The following C2orf66 variants were observed in gnomAD, a reference collection of about 807,000 sequenced individuals.
C2orf66 encodes uncharacterized protein C2orf66.
In C2orf66, 6 loss-of-function variants were observed where a neutral mutation model predicts 7.0. That is an observed-to-expected ratio of 0.86 (90% CI 0.47 to 1.69). C2orf66 has a LOEUF of 1.69. Ranked by LOEUF, C2orf66 falls within the 40% of genes most tolerant of loss-of-function variation. C2orf66 has a pLI of 0.01. For missense variants in C2orf66, 107 were observed against 112.0 expected, an observed-to-expected ratio of 0.96 and a Z score of 0.20; for synonymous variants, 38 against 43.8, an observed-to-expected ratio of 0.87 and a Z score of 0.52.
chr2:196,829,089 G>A, the C2orf66 span, among the ~76,000 whole-genome samples: 4 of 151,784 alleles, frequency 2.6e-5, no homozygotes, highest in East Asian at 5.8e-4. Flanking sequence ...ATACACACAC[G>A]CACATTTTTT....
At chr2:196,808,490 G>A (rs1699839593) in intron 1 of C2orf66, among the ~76,000 whole-genome samples, 1 of 152,160 alleles carries the variant, frequency 6.6e-6, no homozygotes, top group East Asian at 1.9e-4. Context: ...GTTGCCATCT[G>A]CTGGTTTCAC....
the C2orf66 span, among the ~76,000 whole-genome samples, chr2:196,818,177 C>CG: frequency 6.6e-6 from 1 of 152,326 alleles, no homozygotes; most frequent in East Asian, 1.9e-4. Context: ...TCCCTCCATT[C>CG]GGGGTCCCTG....
chr2:196,807,643 GT>G (rs1168863377), intron 1 of C2orf66, 21 bp from the exon 2 acceptor site: 2 of 1,582,132 alleles, frequency 1.3e-6, no homozygotes, highest in African/African-American at 2.7e-5. Context: ...AAAGAAAATG[GT>G]CAATGCCAGA....
the C2orf66 span, among the ~76,000 whole-genome samples, chr2:196,822,166 G>C: frequency 6.6e-6 from 1 of 151,724 alleles, no homozygotes. Flanking sequence ...GCCCGCCTTG[G>C]CCTCCCAAAG....
intron 1 of C2orf66, among the ~76,000 whole-genome samples, chr2:196,808,329 A>C (rs1303238403): frequency 6.6e-6 from 1 of 152,168 alleles, no homozygotes; most frequent in Admixed American, 6.5e-5. Flanking sequence ...AGTTATTTAG[A>C]GCTTTCTAGG....
At chr2:196,814,881 CT>C in the C2orf66 span, among the ~76,000 whole-genome samples, 2 of 152,168 alleles carry the variant, frequency 1.3e-5, no homozygotes, top group Non-Finnish European at 2.9e-5. Flanking sequence ...AACATACATA[CT>C]ATAGTCTTGT....
the C2orf66 span, among the ~76,000 whole-genome samples, chr2:196,824,352 T>TG: frequency 6.6e-6 from 1 of 152,170 alleles, no homozygotes; most frequent in East Asian, 1.9e-4. Context: ...TCAATCCATC[T>TG]GCTGAAAGGA....
chr2:196,809,535 G>C (rs1195565589), upstream of C2orf66: 1 of 631,186 alleles, frequency 1.6e-6, no homozygotes, highest in Non-Finnish European at 2.7e-6. Flanking sequence ...AAATGCAACT[G>C]ATTAGCTTAA....
the C2orf66 span, among the ~76,000 whole-genome samples, chr2:196,831,406 C>T: frequency 6.6e-6 from 1 of 152,290 alleles, no homozygotes; most frequent in Non-Finnish European, 1.5e-5. Flanking sequence ...GCTTTTCTCC[C>T]TGGGTCACCT....
chr2:196,817,669 G>C, the C2orf66 span, among the ~76,000 whole-genome samples: 2 of 152,100 alleles, frequency 1.3e-5, no homozygotes, highest in East Asian at 3.9e-4. Flanking sequence ...AGGAGACCAG[G>C]GGGTATTTCA....
chr2:196,818,976 G>T, the C2orf66 span, among the ~76,000 whole-genome samples: 1 of 152,060 alleles, frequency 6.6e-6, no homozygotes, highest in Non-Finnish European at 1.5e-5. Flanking sequence ...TGATGTAAAG[G>T]CTCTCAATAT....
rs185608499 is a variant in C2orf66 at position 196,807,548 on chromosome 2, C to T, written c.198G>A (p.Thr66=). The change falls in exon 2 of 3, where the codon ACG becomes ACA. Residue 66 remains threonine, a synonymous_variant. Transcript: ENST00000342506. ...AAGAGAGAGGTCTAGGATTTTCATT[C>T]GTGGGGAAAGGATTTGGAAATGTTC... ...DLGTFPNPFP[T]NENPRPLSFQ... The T allele has an allele frequency of 1.1e-5, 18 of 1,613,592 alleles. No individual in the cohort carries two copies. Among genetic ancestry groups the T allele is most frequent in the African/African-American group, 4.0e-5 (3 of 74,988 alleles).
chr2:196,820,830 C>A, the C2orf66 span, among the ~76,000 whole-genome samples: 1 of 152,032 alleles, frequency 6.6e-6, no homozygotes, highest in Non-Finnish European at 1.5e-5. Context: ...TCTATATGGC[C>A]CAAAGTAGTA....
At chr2:196,817,294 G>A in the C2orf66 span, among the ~76,000 whole-genome samples, 1 of 149,590 alleles carries the variant, frequency 6.7e-6, no homozygotes, top group African/African-American at 2.5e-5. Context: ...GAGTGCAGTG[G>A]CGAGATCTTG....
chr2:196,804,900 C>G lies in C2orf66; in HGVS notation c.*528G>C, dbSNP rs557600954. 4 of 152,246 alleles carry G rather than the reference C, an allele frequency of 2.6e-5. No individual in the cohort carries two copies. Among genetic ancestry groups the G allele is most frequent in the Admixed American group, 2.0e-4 (3 of 15,292 alleles). 9.4% of individuals were successfully genotyped at this position (152,246 alleles called of 1,614,324 possible). On this transcript the variant is annotated 3_prime_UTR_variant, in exon 3 of 3. Transcript: ENST00000342506. ...GGCTGTTTATCACTTGCCCTCATTT[C>G]TTATGAAACTAAAACTGTGAAGTAT...
the C2orf66 span, among the ~76,000 whole-genome samples, chr2:196,829,795 G>A: frequency 8.9e-4 from 136 of 152,080 alleles, no homozygotes; most frequent in South Asian, 4.6e-3. Context: ...TACTCGGGAG[G>A]CTGAGGCAGG....
chr2:196,824,787 C>T, the C2orf66 span, among the ~76,000 whole-genome samples: 2 of 152,184 alleles, frequency 1.3e-5, no homozygotes, highest in African/African-American at 2.4e-5. Flanking sequence ...GGCAACCTCA[C>T]TTCTGCACAG....
rs1365852170 is a variant in C2orf66, at chr2:196,805,163, A to G, written c.*265T>C. ...TTTTTTCAGTTTGTGATGTTTTTGT[A>G]ACTCCTACAAATACATGCGGTGCTC... On this transcript the variant is annotated 3_prime_UTR_variant, in exon 3 of 3. Coordinates refer to ENST00000342506, the MANE Select transcript of C2orf66 (RefSeq NM_213608.3). 6.6e-6 allele frequency: 1 copy of G among 152,202 alleles called. No homozygotes were observed. Among genetic ancestry groups the G allele is most frequent in the Non-Finnish European group, 1.5e-5 (1 of 68,032 alleles). The allele number at this position is 152,202 out of a possible 1,614,324, so 9.4% of individuals were successfully genotyped here.
chr2:196,829,339 C>T, the C2orf66 span, among the ~76,000 whole-genome samples: 8 of 152,110 alleles, frequency 5.3e-5, no homozygotes, highest in Admixed American at 2.6e-4. Flanking sequence ...ATAACATACA[C>T]AATGCTTTGG....
Sources: gnomAD v4.1 joint callset for allele counts (sites outside exome capture counted in the v4.1 genomes callset) on GRCh38, gnomAD v4.1.1 for gene constraint, MANE v1.5 for transcripts, NCBI Gene and HGNC (gene_info 2026-07-23, HGNC 2026-07-21) for gene names.